Variants in ZIM2 observed in about 807,000 individuals in gnomAD.
ZIM2 encodes zinc finger protein 656.
A neutral mutation model predicts 38.6 loss-of-function variants in ZIM2; 14 were observed. That is an observed-to-expected ratio of 0.36 (90% CI 0.24 to 0.57). The LOEUF is 0.57. ZIM2 is among the 20% of genes least tolerant of loss of function. The probability of loss-of-function intolerance (pLI) is 0.81; values close to 1 mark genes in which losing one functional copy is unlikely to be tolerated. For synonymous variants in ZIM2, 247 were observed against 245.8 expected (o/e 1.00, Z -0.04); for missense variants, 680 against 695.1 (o/e 0.98, Z 0.24).
At position 56,813,741 on chromosome 19, in the gene ZIM2, G is replaced by A. The variant is rs34876452; in HGVS notation, c.490+4005C>T. ...GGTCATTGAAGAGCTGCCCACAGAC[G>A]TCACATTTGAAGTACTTCTCATCAG... On this transcript the variant is annotated intron_variant, in intron 9 of 12. Transcript: ENST00000629319. 3,858 of 1,614,030 alleles carry A rather than the reference G, an allele frequency of 2.4e-3. 87 individuals carry two copies. In the African/African-American group the frequency reaches 0.046, roughly 19 times the overall value.
At chr19:56,783,895 T>C (rs2046455165) in intron 10 of ZIM2, among the ~76,000 whole-genome samples, 1 of 152,202 alleles carries the variant, frequency 6.6e-6, no homozygotes, top group Admixed American at 6.5e-5. Context: ...AATAGGATAC[T>C]TACCTTCCTT....
chr19:56,822,535 C>A (rs540294875), intron 6 of ZIM2: 124 of 500,170 alleles, frequency 2.5e-4, no homozygotes, highest in Non-Finnish European at 8.3e-5. Flanking sequence ...GAATACTGAG[C>A]AAATAGTTTA....
At chr19:56,836,258 C>T (rs1448555278) in intron 1 of ZIM2, among the ~76,000 whole-genome samples, 154 bp from the exon 2 acceptor site, 2 of 152,080 alleles carry the variant, frequency 1.3e-5, no homozygotes, top group African/African-American at 4.8e-5. Flanking sequence ...GATGAATGGC[C>T]ACGGGTATAG....
chr19:56,827,903 T>C (rs189598818), intron 2 of ZIM2, among the ~76,000 whole-genome samples: 16 of 152,344 alleles, frequency 1.1e-4, no homozygotes, highest in Admixed American at 9.8e-4. Context: ...AGACTATTAA[T>C]GATGACTAAT....
At chr19:56,822,567 T>C in intron 6 of ZIM2, 186 bp downstream of exon 6, 1 of 683,356 alleles carries the variant, frequency 1.5e-6, no homozygotes, top group Non-Finnish European at 2.4e-6. Context: ...GTCTATGTGG[T>C]GAAACCTGTG....
At chr19:56,839,464 C>T (rs1282859742) in intron 1 of ZIM2, among the ~76,000 whole-genome samples, 1 of 151,560 alleles carries the variant, frequency 6.6e-6, no homozygotes, top group Non-Finnish European at 1.5e-5. Flanking sequence ...TACCCAGTCA[C>T]TTCAGCCTTG....
chr19:56,816,509 G>A lies in ZIM2; in HGVS notation c.490+1237C>T, dbSNP rs1406087159. 1.9e-6 allele frequency: 3 copies of A among 1,613,024 alleles called. No individual in the cohort carries two copies. In the East Asian group the frequency reaches 6.7e-5, roughly 36 times the overall value. ...TTCCCTCTAGTATGGATTTTCTGAT[G>A]TTCTTTCAGGGATGAGCTATGAAGG... On this transcript the variant is annotated intron_variant, in intron 9 of 12. Transcript: ENST00000629319.
Position 56,814,999 on chromosome 19 carries a change from T to C in ZIM2, c.490+2747A>G, listed in dbSNP as rs1013849695. 1 of 1,614,032 alleles carries C rather than the reference T, an allele frequency of 6.2e-7. No homozygotes were observed. Among genetic ancestry groups the C allele is most frequent in the African/African-American group, 1.3e-5 (1 of 74,926 alleles). On this transcript the variant is annotated intron_variant, in intron 9 of 12. Transcript: ENST00000629319. This position sits in a 1 kb window ranked among gnomAD's most constrained non-coding sequence, Gnocchi z 5.8. ...ATCTCTCTGATACTCGCTGATGGAA[T>C]GGGTGTGAATTACAGAATGTGTGTA... is the stretch of plus-strand genomic sequence containing the variant.
At chr19:56,804,096 C>T (rs1275121470) in intron 9 of ZIM2, among the ~76,000 whole-genome samples, 5 of 152,208 alleles carry the variant, frequency 3.3e-5, no homozygotes, top group Non-Finnish European at 5.9e-5. Context: ...GTTAATAACC[C>T]CTGATACCCA....
At chr19:56,836,447 T>C (rs1192639081) in intron 1 of ZIM2, among the ~76,000 whole-genome samples, 1 of 152,196 alleles carries the variant, frequency 6.6e-6, no homozygotes, top group Non-Finnish European at 1.5e-5. Context: ...AGGACCGCTA[T>C]CCTATCGTTA....
chr19:56,784,630 C>T (rs2046502083), intron 10 of ZIM2, among the ~76,000 whole-genome samples: 1 of 152,084 alleles, frequency 6.6e-6, no homozygotes, highest in African/African-American at 2.4e-5. Context: ...TACTCTGTAA[C>T]TATTAGAGAA....
intron 11 of ZIM2, among the ~76,000 whole-genome samples, chr19:56,780,774 AT>A (rs2046294620): frequency 1.3e-5 from 2 of 152,252 alleles, no homozygotes; most frequent in Non-Finnish European, 2.9e-5. Flanking sequence ...CCAAACTGAT[AT>A]TCTCTACGTG....
At chr19:56,787,884 TTATAG>T (rs1173542716) in intron 10 of ZIM2, among the ~76,000 whole-genome samples, 1 of 152,014 alleles carries the variant, frequency 6.6e-6, no homozygotes, top group Non-Finnish European at 1.5e-5. Context: ...GTAGAGGTGT[TTATAG>T]TATTCTCTCA....
chr19:56,813,654 T>C (rs1277345455), intron 9 of ZIM2: 1 of 1,598,834 alleles, frequency 6.3e-7, no homozygotes, highest in Admixed American at 1.7e-5. Flanking sequence ...GTGAAGGTTT[T>C]CTAACCTTTA....
chr19:56,780,286 A>G (rs2046262131), intron 11 of ZIM2, among the ~76,000 whole-genome samples: 1 of 139,736 alleles, frequency 7.2e-6, no homozygotes, highest in African/African-American at 2.7e-5. Context: ...TCTGTCTCCC[A>G]GGCTAGAGTG....
chr19:56,785,167 A>C (rs1041601538), intron 10 of ZIM2, among the ~76,000 whole-genome samples: 1 of 152,166 alleles, frequency 6.6e-6, no homozygotes, highest in Non-Finnish European at 1.5e-5. Context: ...CACCATCAGC[A>C]AAAGCTGAGT....
intron 9 of ZIM2, chr19:56,813,921 G>A (rs750023508): frequency 1.2e-6 from 2 of 1,613,990 alleles, no homozygotes; most frequent in Admixed American, 3.3e-5. Context: ...TGCATTCATG[G>A]CAGTCATAGT....
chr19:56,828,576 G>A (rs2061280075), intron 2 of ZIM2, among the ~76,000 whole-genome samples: 1 of 152,070 alleles, frequency 6.6e-6, no homozygotes, highest in Non-Finnish European at 1.5e-5. Context: ...GTGGGAGACA[G>A]GAAAATAAAG....
chr19:56,782,528 G>A, intron 10 of ZIM2: 1 of 440,050 alleles, frequency 2.3e-6, no homozygotes, highest in South Asian at 1.6e-5. Context: ...AATAAACAAG[G>A]AGATGAAAAT....
Sources: allele counts gnomAD v4.1 joint callset (sites outside exome capture counted in the v4.1 genomes callset), GRCh38; gene constraint gnomAD v4.1.1; non-coding constraint Gnocchi (gnomAD v3.1); transcripts MANE v1.5; gene names NCBI Gene and HGNC (gene_info 2026-07-23, HGNC 2026-07-21).